The following ADAMTSL3 variants were observed in gnomAD, a reference collection of about 807,000 sequenced individuals.
ADAMTSL3 encodes the protein ADAMTS like 3.
Under a neutral mutation model 201.7 loss-of-function variants are expected in ADAMTSL3, and 128 were observed. The observed-to-expected ratio is 0.63, with a 90% CI of 0.55 to 0.73. The LOEUF is 0.73. Among genes scored for constraint, ADAMTSL3 ranks in the 30% least tolerant of loss-of-function variants. The pLI, the probability that ADAMTSL3 is intolerant of heterozygous loss-of-function variation, is 0.00. For missense variants in ADAMTSL3, 1,990 were observed against 2,119.6 expected, an observed-to-expected ratio of 0.94 and a Z score of 1.20; for synonymous variants, 738 against 748.4, an observed-to-expected ratio of 0.99 and a Z score of 0.23.
intron 25 of ADAMTSL3, among the ~76,000 whole-genome samples, chr15:84,020,104 C>T (rs1209932420): frequency 6.6e-6 from 1 of 151,840 alleles, no homozygotes; most frequent in Non-Finnish European, 1.5e-5. Flanking sequence ...AATTGTGAAA[C>T]CTTGTAAAAC....
chr15:83,656,028 C>T (rs967659360), intron 2 of ADAMTSL3, among the ~76,000 whole-genome samples, 198 bp downstream of exon 2: 3 of 152,188 alleles, frequency 2.0e-5, no homozygotes, highest in Non-Finnish European at 4.4e-5. Flanking sequence ...TGGGTCCTCT[C>T]TGAATCCTGA....
Position 83,819,770 on chromosome 15 carries a change from C to T in ADAMTSL3, c.364-41C>T, listed in dbSNP as rs200762628. On this transcript the variant is annotated intron_variant, in intron 5 of 29. Coordinates refer to ENST00000286744, the MANE Select transcript of ADAMTSL3 (RefSeq NM_207517.3). ...TATTTCATCTTCTCTTGGCCTCTCT[C>T]ACTGGGTGATGTGCATGTGGCCTTT... 2.4e-5 allele frequency: 36 copies of T among 1,509,080 alleles called. No individual in the cohort carries two copies. In the Admixed American group the frequency reaches 3.7e-4, roughly 15 times the overall value. 93.5% of individuals were successfully genotyped at this position (1,509,080 alleles called of 1,614,324 possible). A position where few individuals can be genotyped will look rare whatever the true frequency, so the allele number is the denominator to read the frequency against.
intron 19 of ADAMTSL3, among the ~76,000 whole-genome samples, chr15:83,957,319 G>C (rs1194614297): frequency 1.3e-5 from 2 of 152,096 alleles, no homozygotes; most frequent in African/African-American, 2.4e-5. Context: ...AAGGCTTTAG[G>C]GTATTGGATT....
chr15:83,908,446 A>G (rs768739416), intron 15 of ADAMTSL3, among the ~76,000 whole-genome samples: 6 of 152,242 alleles, frequency 3.9e-5, no homozygotes, highest in Non-Finnish European at 7.3e-5. Flanking sequence ...CTCAGACATC[A>G]TTACATTTAA....
chr15:83,730,336 C>T (rs1310322341), intron 3 of ADAMTSL3, among the ~76,000 whole-genome samples: 2 of 152,114 alleles, frequency 1.3e-5, no homozygotes, highest in East Asian at 3.9e-4. Context: ...TCCTACGGCA[C>T]ACCAAACCAA....
intron 3 of ADAMTSL3, among the ~76,000 whole-genome samples, chr15:83,758,434 A>C (rs1436145350): frequency 6.6e-6 from 1 of 152,188 alleles, no homozygotes; most frequent in African/African-American, 2.4e-5. Context: ...CTCATGATTA[A>C]ATTACCTTCC....
intron 9 of ADAMTSL3, among the ~76,000 whole-genome samples, chr15:83,884,351 T>C (rs1259185315): frequency 6.7e-6 from 1 of 148,938 alleles, no homozygotes; most frequent in Non-Finnish European, 1.5e-5. Flanking sequence ...TTTTTTTTTT[T>C]TTTTTTTTTG....
At chr15:83,777,147 A>T (rs2063089512) in intron 4 of ADAMTSL3, among the ~76,000 whole-genome samples, 2 of 152,218 alleles carry the variant, frequency 1.3e-5, no homozygotes, top group African/African-American at 4.8e-5. Flanking sequence ...CACCACCTCC[A>T]GCATGACTGA....
At chr15:83,657,797 A>G (rs1302128945) in intron 2 of ADAMTSL3, among the ~76,000 whole-genome samples, 2 of 152,190 alleles carry the variant, frequency 1.3e-5, no homozygotes, top group Admixed American at 6.5e-5. Flanking sequence ...GTGGGTGGGC[A>G]TGGCTAGGTC....
intron 3 of ADAMTSL3, among the ~76,000 whole-genome samples, chr15:83,765,188 A>G (rs2062871067): frequency 6.6e-6 from 1 of 152,202 alleles, no homozygotes; most frequent in African/African-American, 2.4e-5. Context: ...TGAATTGTTG[A>G]GTCTGTGTGA....
intron 3 of ADAMTSL3, among the ~76,000 whole-genome samples, chr15:83,713,750 T>C (rs1304866484): frequency 3.3e-5 from 5 of 152,240 alleles, no homozygotes; most frequent in African/African-American, 4.8e-5. Context: ...TTATTCCCTA[T>C]CACAAGGGAT....
chr15:83,686,724 G>C (rs1230577272), intron 2 of ADAMTSL3, among the ~76,000 whole-genome samples: 1 of 152,078 alleles, frequency 6.6e-6, no homozygotes, highest in Non-Finnish European at 1.5e-5. Flanking sequence ...ACTGCATCTT[G>C]GTGAGTAAAA....
Position 83,915,539 on chromosome 15 carries a change from G to A in ADAMTSL3, c.1987+2161G>A, listed in dbSNP as rs745677465. Among the ~76,000 whole-genome samples the A allele has an allele frequency of 3.8e-4, 57 of 151,230 alleles. 1 individual carries two copies. The highest frequency in any genetic ancestry group is 3.1e-3 in the Admixed American group (47 of 15,168). On this transcript the variant is annotated intron_variant, in intron 16 of 29. Coordinates refer to ENST00000286744, the MANE Select transcript of ADAMTSL3 (RefSeq NM_207517.3). ...TAACAGCTTTATCGAGATAGAATGC[G>A]CACACTGTACAATTTATGCATTTAA...
intron 2 of ADAMTSL3, among the ~76,000 whole-genome samples, chr15:83,665,185 G>T (rs1272366817): frequency 6.6e-6 from 1 of 152,188 alleles, no homozygotes; most frequent in African/African-American, 2.4e-5. Context: ...ACCTGAAGGA[G>T]TGGAACTTGG....
At chr15:83,950,989 A>ATTTCT (rs1231764551) in intron 19 of ADAMTSL3, among the ~76,000 whole-genome samples, 1 of 141,932 alleles carries the variant, frequency 7.0e-6, no homozygotes, top group Admixed American at 6.9e-5. Flanking sequence ...GATGCCCTTT[A>ATTTCT]TTTCTTTTCT....
At chr15:83,717,130 A>G (rs969494958) in intron 3 of ADAMTSL3, among the ~76,000 whole-genome samples, 13 of 152,198 alleles carry the variant, frequency 8.5e-5, no homozygotes, top group African/African-American at 2.9e-4. Context: ...GGAGACTGAC[A>G]TCTGAGCTGA....
At chr15:83,828,956 A>C (rs1223566984) in intron 6 of ADAMTSL3, among the ~76,000 whole-genome samples, 2 of 152,092 alleles carry the variant, frequency 1.3e-5, no homozygotes, top group Non-Finnish European at 2.9e-5. Context: ...TTCTGCATCG[A>C]TGTTCATCAG....
At chr15:84,018,714 A>G (rs1415901729) in intron 25 of ADAMTSL3, among the ~76,000 whole-genome samples, 1 of 152,122 alleles carries the variant, frequency 6.6e-6, no homozygotes, top group Non-Finnish European at 1.5e-5. Flanking sequence ...ATGAGGTTGG[A>G]GAGTGGCTGA....
intron 23 of ADAMTSL3, among the ~76,000 whole-genome samples, chr15:84,014,245 C>T (rs1267286600): frequency 6.6e-6 from 1 of 152,162 alleles, no homozygotes; most frequent in Admixed American, 6.5e-5. Flanking sequence ...CACTACCCTA[C>T]CCACCTTCAA....
Sources: allele counts gnomAD v4.1 joint callset (sites outside exome capture counted in the v4.1 genomes callset), GRCh38; gene constraint gnomAD v4.1.1; transcripts MANE v1.5; gene names NCBI Gene and HGNC (gene_info 2026-07-23, HGNC 2026-07-21).